Variants in TNFSF4 observed in about 807,000 individuals in gnomAD.
TNFSF4 encodes TNF superfamily member 4.
A neutral mutation model predicts 7.3 loss-of-function variants in TNFSF4; 4 were observed. The ratio of observed to expected loss-of-function variants is 0.55; its 90% confidence interval spans 0.27 to 1.25. The LOEUF (loss-of-function observed/expected upper bound fraction) is 1.25, where lower values mean the gene tolerates loss of function less well. TNFSF4 is among the 50% of genes most tolerant of loss of function. The pLI, the probability that TNFSF4 is intolerant of heterozygous loss-of-function variation, is 0.12. For synonymous variants in TNFSF4, 76 were observed against 83.7 expected (o/e 0.91, Z 0.50); for missense variants, 181 against 208.8 (o/e 0.87, Z 0.82).
the TNFSF4 span, among the ~76,000 whole-genome samples, chr1:173,212,935 G>A: frequency 3.3e-5 from 5 of 152,092 alleles, no homozygotes; most frequent in Admixed American, 6.6e-5. Context: ...CCATGATGCT[G>A]CAAGTTCCTG....
chr1:173,327,822 T>C, the TNFSF4 span, among the ~76,000 whole-genome samples: 2 of 152,044 alleles, frequency 1.3e-5, no homozygotes, highest in Admixed American at 6.5e-5. Context: ...TCACACCAGT[T>C]AGAATGGCGA....
the TNFSF4 span, among the ~76,000 whole-genome samples, chr1:173,315,504 T>C: frequency 3.3e-5 from 5 of 152,130 alleles, no homozygotes; most frequent in African/African-American, 9.7e-5. Flanking sequence ...AAAAGACTAC[T>C]GAAGATTTAG....
chr1:173,357,366 G>C, the TNFSF4 span, among the ~76,000 whole-genome samples: 1 of 152,160 alleles, frequency 6.6e-6, no homozygotes, highest in Non-Finnish European at 1.5e-5. Flanking sequence ...CCATGGGTGC[G>C]GGAGGGAAGG....
chr1:173,283,986 C>T, the TNFSF4 span, among the ~76,000 whole-genome samples: 18 of 148,332 alleles, frequency 1.2e-4, no homozygotes, highest in African/African-American at 4.5e-4. Flanking sequence ...CCAGTGAACA[C>T]ATGAATGATA....
At chr1:173,206,564 T>G (rs145944772) in intron 1 of TNFSF4, among the ~76,000 whole-genome samples, 93 of 152,312 alleles carry the variant, frequency 6.1e-4, no homozygotes, top group African/African-American at 2.0e-3. Context: ...ATTGATACCT[T>G]CAGCATTCTT....
At chr1:173,444,658 T>C in the TNFSF4 span, among the ~76,000 whole-genome samples, 1 of 152,170 alleles carries the variant, frequency 6.6e-6, no homozygotes, top group Non-Finnish European at 1.5e-5. Context: ...GACTGGTTCT[T>C]AGAGGTAATA....
chr1:173,336,914 CTCTAGAG>C, the TNFSF4 span, among the ~76,000 whole-genome samples: 3,325 of 152,120 alleles, frequency 0.022, 53 homozygotes, highest in Non-Finnish European at 0.035. Flanking sequence ...CTTATTAGGC[CTCTAGAG>C]TCTAGAGGCA....
chr1:173,215,241 G>T, the TNFSF4 span, among the ~76,000 whole-genome samples: 12 of 152,086 alleles, frequency 7.9e-5, no homozygotes, highest in Admixed American at 7.9e-4. Flanking sequence ...TTGGCACACT[G>T]ATCCAGAGTT....
intron 1 of TNFSF4, among the ~76,000 whole-genome samples, chr1:173,206,104 C>T (rs1650175878): frequency 6.6e-6 from 1 of 152,078 alleles, no homozygotes; most frequent in African/African-American, 2.4e-5. Flanking sequence ...GTTTGTATTA[C>T]CTGAACTTTA....
At chr1:173,363,493 T>C in the TNFSF4 span, 1 of 434,384 alleles carries the variant, frequency 2.3e-6, no homozygotes, top group Non-Finnish European at 4.6e-6. Context: ...CAGAATCATT[T>C]CAAGTTCCAA....
chr1:173,416,117 T>C, the TNFSF4 span, among the ~76,000 whole-genome samples: 2 of 152,086 alleles, frequency 1.3e-5, no homozygotes, highest in Admixed American at 1.3e-4. Flanking sequence ...CAGGCTCTCC[T>C]AGGTTGGTCC....
the TNFSF4 span, among the ~76,000 whole-genome samples, chr1:173,359,485 T>C: frequency 3.5e-5 from 4 of 113,060 alleles, no homozygotes; most frequent in Non-Finnish European, 7.5e-5. Flanking sequence ...AAAGAAAAAT[T>C]CAAGGACTTT....
At chr1:173,272,157 T>G in the TNFSF4 span, among the ~76,000 whole-genome samples, 3 of 151,994 alleles carry the variant, frequency 2.0e-5, no homozygotes, top group African/African-American at 7.2e-5. Context: ...TGAGAACACT[T>G]GGACACAGGG....
chr1:173,360,149 T>C, the TNFSF4 span, among the ~76,000 whole-genome samples: 2 of 152,270 alleles, frequency 1.3e-5, no homozygotes, highest in African/African-American at 4.8e-5. Flanking sequence ...GATTCTACCC[T>C]TGGAGAGAGA....
At chr1:173,230,210 G>C in the TNFSF4 span, among the ~76,000 whole-genome samples, 2 of 152,136 alleles carry the variant, frequency 1.3e-5, no homozygotes, top group Admixed American at 6.5e-5. Flanking sequence ...AAATGTAAAA[G>C]AACAGAAATT....
the TNFSF4 span, among the ~76,000 whole-genome samples, chr1:173,295,249 G>T: frequency 1.3e-5 from 2 of 151,910 alleles, no homozygotes; most frequent in African/African-American, 2.4e-5. Context: ...AATTACCCAG[G>T]AGAAATGCAA....
chr1:173,381,041 C>T, the TNFSF4 span, among the ~76,000 whole-genome samples: 1 of 152,158 alleles, frequency 6.6e-6, no homozygotes, highest in African/African-American at 2.4e-5. Context: ...CAAAGCCATA[C>T]AACTAATACC....
chr1:173,243,461 A>T, the TNFSF4 span, among the ~76,000 whole-genome samples: 2 of 152,278 alleles, frequency 1.3e-5, no homozygotes, highest in East Asian at 3.9e-4. Flanking sequence ...CCACCCTGTG[A>T]TTATTAAATT....
At chr1:173,248,491 G>GGAAAGAAA in the TNFSF4 span, among the ~76,000 whole-genome samples, 7,801 of 136,132 alleles carry the variant, frequency 0.057, 247 homozygotes, top group Non-Finnish European at 0.073. Flanking sequence ...AAGGAAGGAA[G>GGAAAGAAA]GAAAGAAAGA....
Sources: gnomAD v4.1 joint callset for allele counts (sites outside exome capture counted in the v4.1 genomes callset) on GRCh38, gnomAD v4.1.1 for gene constraint, MANE v1.5 for transcripts, NCBI Gene and HGNC (gene_info 2026-07-23, HGNC 2026-07-21) for gene names.